Variants in RCOR1 observed in about 807,000 individuals in gnomAD.
RCOR1 encodes REST corepressor.
Under a neutral mutation model 64.0 loss-of-function variants are expected in RCOR1, and 12 were observed. The observed-to-expected ratio is 0.19, with a 90% CI of 0.12 to 0.30. The LOEUF is 0.30. Among genes scored for constraint, RCOR1 ranks in the 10% least tolerant of loss-of-function variants. RCOR1 has a pLI of 1.00. For missense variants in RCOR1, 502 were observed against 621.2 expected (o/e 0.81, Z 2.04); for synonymous variants, 279 against 227.2 (o/e 1.23, Z -2.05).
chr14:102,595,661 G>C (rs1019624132), intron 2 of RCOR1, among the ~76,000 whole-genome samples: 1 of 150,972 alleles, frequency 6.6e-6, no homozygotes, highest in Admixed American at 6.6e-5. Flanking sequence ...CTCACTGCAA[G>C]CTCCGCCTCC....
intron 7 of RCOR1, among the ~76,000 whole-genome samples, chr14:102,713,326 T>G (rs1373568098): frequency 6.8e-6 from 1 of 147,978 alleles, no homozygotes; most frequent in Non-Finnish European, 1.5e-5. Flanking sequence ...TGGTGCAATC[T>G]CGGCTCACTG....
At chr14:102,673,858 G>A (rs1369526054) in intron 2 of RCOR1, among the ~76,000 whole-genome samples, 4 of 152,134 alleles carry the variant, frequency 2.6e-5, no homozygotes, top group African/African-American at 7.2e-5. Context: ...CAGGTGATCC[G>A]CCCGCCGCCG....
chr14:102,700,082 A>T (rs1377109694), intron 3 of RCOR1, among the ~76,000 whole-genome samples: 1 of 152,202 alleles, frequency 6.6e-6, no homozygotes, highest in Non-Finnish European at 1.5e-5. Flanking sequence ...CATAAAGAAT[A>T]GTTTGTTCAT....
rs952234485 is a variant in RCOR1, at chr14:102,729,751, T to C, written c.*3245T>C. The C allele has an allele frequency of 5.0e-6, 2 of 398,502 alleles. No individual in the cohort carries two copies. Among genetic ancestry groups the C allele is most frequent in the African/African-American group, 4.1e-5 (2 of 48,636 alleles). The allele number at this position is 398,502 out of a possible 1,614,324, so 24.7% of individuals were successfully genotyped here. ...GTCATTCTAAATATCAGATGTACTATTGGTATAATTGCACACCAAAAATAA... is the reference window on the plus strand; with the variant it reads ...GTCATTCTAAATATCAGATGTACTACTGGTATAATTGCACACCAAAAATAA... On this transcript the variant is annotated 3_prime_UTR_variant, in exon 12 of 12. Coordinates refer to ENST00000262241, the MANE Select transcript of RCOR1 (RefSeq NM_015156.4).
chr14:102,597,473 C>T (rs112437681), intron 2 of RCOR1, among the ~76,000 whole-genome samples: 2 of 151,080 alleles, frequency 1.3e-5, no homozygotes, highest in South Asian at 2.1e-4. Flanking sequence ...GGATTACAGA[C>T]GCACACCACC....
intron 2 of RCOR1, chr14:102,659,112 G>C (rs891577929): frequency 9.1e-6 from 9 of 985,152 alleles, no homozygotes; most frequent in Non-Finnish European, 8.4e-6. Flanking sequence ...TCTAGGAAAG[G>C]TCTTTGCCCG....
chr14:102,693,040 A>T (rs962314096), intron 3 of RCOR1, among the ~76,000 whole-genome samples: 1 of 152,126 alleles, frequency 6.6e-6, no homozygotes, highest in Non-Finnish European at 1.5e-5. Context: ...TGTTGAGATT[A>T]CAGGCCTGAG....
intron 2 of RCOR1, among the ~76,000 whole-genome samples, chr14:102,612,911 C>G (rs2139891067): frequency 6.9e-6 from 1 of 144,210 alleles, no homozygotes; most frequent in South Asian, 2.2e-4. Flanking sequence ...GAGGTATGAT[C>G]ACACCACTGC....
chr14:102,617,463 G>A (rs887999852), intron 2 of RCOR1, among the ~76,000 whole-genome samples: 1 of 152,102 alleles, frequency 6.6e-6, no homozygotes, highest in African/African-American at 2.4e-5. Flanking sequence ...ATAGTAATTG[G>A]CTGGGCATGA....
intron 2 of RCOR1, among the ~76,000 whole-genome samples, chr14:102,629,088 T>TGACC (rs1190962733): frequency 6.6e-6 from 1 of 152,272 alleles, no homozygotes; most frequent in East Asian, 1.9e-4. Context: ...CGCTGTTTCC[T>TGACC]GACCGTAGCT....
intron 2 of RCOR1, chr14:102,659,268 G>GC: frequency 1.0e-6 from 1 of 985,122 alleles, no homozygotes; most frequent in Non-Finnish European, 1.2e-6. Flanking sequence ...GGTTGCATTG[G>GC]CCTTCACTAT....
chr14:102,664,530 A>G (rs905457328), intron 2 of RCOR1, among the ~76,000 whole-genome samples: 2 of 152,254 alleles, frequency 1.3e-5, no homozygotes, highest in Non-Finnish European at 1.5e-5. Context: ...CTTAAAGGGT[A>G]GAGTGCTATT....
At chr14:102,674,289 A>C (rs903532972) in intron 2 of RCOR1, among the ~76,000 whole-genome samples, 4 of 152,182 alleles carry the variant, frequency 2.6e-5, no homozygotes, top group African/African-American at 9.7e-5. Context: ...TCACAGTAAC[A>C]CCTAGATTAA....
At chr14:102,649,777 TG>T in intron 2 of RCOR1, 1 of 985,062 alleles carries the variant, frequency 1.0e-6, no homozygotes, top group Non-Finnish European at 1.2e-6. Context: ...TTAGCTAGAA[TG>T]GGCTTTGTTT....
At chr14:102,713,678 T>A (rs1595242929) in intron 7 of RCOR1, among the ~76,000 whole-genome samples, 1 of 152,210 alleles carries the variant, frequency 6.6e-6, no homozygotes, top group African/African-American at 2.4e-5. Context: ...TACACAGCAG[T>A]TTATTGCCTA....
chr14:102,680,384 C>A (rs1895279418), intron 2 of RCOR1, among the ~76,000 whole-genome samples: 1 of 152,152 alleles, frequency 6.6e-6, no homozygotes, highest in Non-Finnish European at 1.5e-5. Context: ...ATTGGAAATA[C>A]AGCAGGACTT....
intron 8 of RCOR1, among the ~76,000 whole-genome samples, chr14:102,716,574 G>T (rs1896073765): frequency 6.8e-6 from 1 of 147,414 alleles, no homozygotes; most frequent in South Asian, 2.1e-4. Context: ...TTTCATATGA[G>T]TATCAATTTG....
chr14:102,593,356 G>T, intron 2 of RCOR1, 31 bp downstream of exon 2: 1 of 1,503,832 alleles, frequency 6.6e-7, no homozygotes, highest in Non-Finnish European at 8.8e-7. Context: ...GCCGGCGGCG[G>T]GGATGAGCGG....
At chr14:102,630,512 A>G (rs1462698422) in intron 2 of RCOR1, among the ~76,000 whole-genome samples, 3 of 152,230 alleles carry the variant, frequency 2.0e-5, no homozygotes, top group Non-Finnish European at 4.4e-5. Context: ...ACTCCATTCA[A>G]AGCAACTGTT....
Sources: gnomAD v4.1 joint callset for allele counts (sites outside exome capture counted in the v4.1 genomes callset) on GRCh38, gnomAD v4.1.1 for gene constraint, MANE v1.5 for transcripts, NCBI Gene and HGNC (gene_info 2026-07-23, HGNC 2026-07-21) for gene names.